The following CALCRL variants were observed in gnomAD, a reference collection of about 807,000 sequenced individuals.
The protein encoded by CALCRL is calcitonin receptor like receptor.
Under a neutral mutation model 60.4 loss-of-function variants are expected in CALCRL, and 27 were observed. That is an observed-to-expected ratio of 0.45 (90% confidence interval 0.33 to 0.62). CALCRL has a LOEUF of 0.62. CALCRL is among the 20% of genes least tolerant of loss of function. CALCRL has a pLI of 0.03. For missense variants in CALCRL, 424 were observed against 540.7 expected (o/e 0.78, Z 2.14); for synonymous variants, 190 against 182.6 (o/e 1.04, Z -0.33).
intron 7 of CALCRL, among the ~76,000 whole-genome samples, chr2:187,379,904 T>G (rs1425077815): frequency 6.6e-6 from 1 of 152,188 alleles, no homozygotes; most frequent in African/African-American, 2.4e-5. Context: ...ATCACTGTGA[T>G]AAACTGCCTC....
In CALCRL at chr2:187,344,131, C is replaced by G. The variant is rs892644917; in HGVS notation, c.*2053G>C. The G allele has an allele frequency of 6.6e-6, 1 of 151,458 alleles. No individual in the cohort carries two copies. The highest frequency in any genetic ancestry group is 1.5e-5 in the Non-Finnish European group (1 of 67,616). The allele number at this position is 151,458 out of a possible 1,614,324, so 9.4% of individuals were successfully genotyped here. On this transcript the variant is annotated 3_prime_UTR_variant, in exon 15 of 15. Coordinates refer to ENST00000392370, the MANE Select transcript of CALCRL (RefSeq NM_005795.6). ...ATATGGGTCTTTGAATAATAAATAG[C>G]TAATAATTGAGTTTATTAAAATGAA...
At chr2:187,381,670 C>T (rs1204949342) in intron 5 of CALCRL, among the ~76,000 whole-genome samples, 4 of 151,898 alleles carry the variant, frequency 2.6e-5, no homozygotes, top group East Asian at 1.9e-4. Flanking sequence ...TGGCCAGGAT[C>T]GTCTCAATCT....
intron 14 of CALCRL, among the ~76,000 whole-genome samples, chr2:187,348,346 C>G (rs1314176914): frequency 1.3e-5 from 2 of 151,490 alleles, no homozygotes; most frequent in African/African-American, 2.4e-5. Context: ...TTTTTTGTTT[C>G]ATAAACTTCT....
chr2:187,352,170 C>T lies in CALCRL; in HGVS notation c.1072G>A (p.Gly358Arg), dbSNP rs1428117797. 3 of 1,612,268 alleles carry T rather than the reference C, an allele frequency of 1.9e-6. No homozygotes were observed. Among genetic ancestry groups the T allele is most frequent in the South Asian group, 1.1e-5 (1 of 91,054 alleles). ...TCATATACCTCCTCTGCAATCTTTC[C>T]TTCAGGTCGCCATGGAATCAGCACA... ...EFVLIPWRPEGKIAEEVYDYI... is the reference protein window; with the variant it reads ...EFVLIPWRPERKIAEEVYDYI... Residue 358 changes from glycine to arginine, a missense_variant, in exon 13 of 15, where the codon GGA becomes AGA. Physicochemically the swap from Gly to Arg is moderately radical, Grantham distance 125. Around this residue, in one of 7 missense-constraint regions of CALCRL, gnomAD observed 222 missense variants for 265.6 expected, o/e 0.84. Transcript: ENST00000392370.
At chr2:187,439,883 G>C (rs1574330186) in intron 1 of CALCRL, among the ~76,000 whole-genome samples, 1 of 152,072 alleles carries the variant, frequency 6.6e-6, no homozygotes, top group Non-Finnish European at 1.5e-5. Context: ...CTTGATAAAT[G>C]GAAGAAGAGA....
intron 1 of CALCRL, among the ~76,000 whole-genome samples, chr2:187,428,058 A>G (rs1476387597): frequency 1.3e-5 from 2 of 152,206 alleles, no homozygotes; most frequent in African/African-American, 4.8e-5. Context: ...AACTATATAC[A>G]CTAAAGAAGA....
chr2:187,420,197 C>A (rs1390021154), intron 1 of CALCRL, among the ~76,000 whole-genome samples: 8 of 152,154 alleles, frequency 5.3e-5, no homozygotes, highest in East Asian at 3.9e-4. Context: ...GCTTTCCCAG[C>A]CAGTGAGTAT....
chr2:187,433,315 T>C (rs1017269221), intron 1 of CALCRL, among the ~76,000 whole-genome samples: 1 of 152,118 alleles, frequency 6.6e-6, no homozygotes, highest in Non-Finnish European at 1.5e-5. Flanking sequence ...AAAGAATCTT[T>C]CCAGCTTTTT....
intron 1 of CALCRL, among the ~76,000 whole-genome samples, chr2:187,440,794 AC>A (rs1175558531): frequency 6.6e-6 from 1 of 152,148 alleles, no homozygotes; most frequent in African/African-American, 2.4e-5. Context: ...TATGATCAAA[AC>A]GACTTTCACA....
At chr2:187,432,184 A>C (rs1041030997) in intron 1 of CALCRL, among the ~76,000 whole-genome samples, 1 of 152,140 alleles carries the variant, frequency 6.6e-6, no homozygotes, top group Non-Finnish European at 1.5e-5. Context: ...TAACAAGTTA[A>C]ATTCATTCCC....
chr2:187,359,307 AT>A, intron 10 of CALCRL, 35 bp from the exon 11 acceptor site: 2 of 1,426,774 alleles, frequency 1.4e-6, no homozygotes, highest in Non-Finnish European at 1.9e-6. Context: ...ATAAATAGGC[AT>A]TTTTTCTACA....
intron 1 of CALCRL, among the ~76,000 whole-genome samples, chr2:187,396,292 T>C (rs1404726059): frequency 6.6e-6 from 1 of 151,900 alleles, no homozygotes. Flanking sequence ...CGTCTAGTTC[T>C]CTCTTCTCCA....
intron 12 of CALCRL, among the ~76,000 whole-genome samples, chr2:187,356,373 T>A (rs890582919): frequency 6.6e-6 from 1 of 152,146 alleles, no homozygotes; most frequent in Non-Finnish European, 1.5e-5. Context: ...CCATCTGATC[T>A]TTCACAAACC....
chr2:187,438,333 T>C (rs987909374), intron 1 of CALCRL, among the ~76,000 whole-genome samples: 10 of 152,108 alleles, frequency 6.6e-5, no homozygotes, highest in African/African-American at 1.9e-4. Flanking sequence ...AACAATACAA[T>C]GAGGTAAGGT....
chr2:187,447,606 G>A (rs539111214), intron 1 of CALCRL, among the ~76,000 whole-genome samples: 32 of 152,070 alleles, frequency 2.1e-4, no homozygotes, highest in African/African-American at 6.7e-4. Context: ...GTGAGACTCC[G>A]AGACCCATTA....
chr2:187,406,919 G>A (rs998413026), intron 1 of CALCRL, among the ~76,000 whole-genome samples: 1 of 152,044 alleles, frequency 6.6e-6, no homozygotes. Context: ...CGCTAGTAGT[G>A]TTTGTGAAGT....
intron 1 of CALCRL, among the ~76,000 whole-genome samples, chr2:187,430,512 T>C (rs1161532583): frequency 6.6e-6 from 1 of 152,164 alleles, no homozygotes; most frequent in Non-Finnish European, 1.5e-5. Flanking sequence ...TAACATTAAT[T>C]GCATAATTAA....
intron 14 of CALCRL, among the ~76,000 whole-genome samples, 168 bp downstream of exon 14, chr2:187,351,752 A>G (rs1027615170): frequency 1.3e-5 from 2 of 151,876 alleles, no homozygotes; most frequent in African/African-American, 4.8e-5. Context: ...GCATTTGAGA[A>G]GGAGAGTTAA....
intron 1 of CALCRL, among the ~76,000 whole-genome samples, chr2:187,400,743 A>G (rs1688853202): frequency 6.6e-6 from 1 of 151,508 alleles, no homozygotes; most frequent in Non-Finnish European, 1.5e-5. Flanking sequence ...GCATGAATAA[A>G]CCTTGTAAAC....
Sources: gnomAD v4.1 joint callset for allele counts (sites outside exome capture counted in the v4.1 genomes callset) on GRCh38, gnomAD v4.1.1 for gene constraint, gnomAD v4.1.1 regional missense constraint, MANE v1.5 for transcripts, NCBI Gene and HGNC (gene_info 2026-07-23, HGNC 2026-07-21) for gene names.